Variants in CNTNAP3 observed in about 807,000 individuals in gnomAD.
CNTNAP3 encodes contactin-associated protein-like 3.
A neutral mutation model predicts 92.1 loss-of-function variants in CNTNAP3; 36 were observed. That is an observed-to-expected ratio of 0.39 (90% CI 0.30 to 0.52). The LOEUF is 0.52. Ranked by LOEUF, CNTNAP3 falls within the 20% of genes least tolerant of loss-of-function variation. CNTNAP3 has a pLI of 0.76. For missense variants in CNTNAP3, 534 were observed against 1,069.6 expected (o/e 0.50, Z 6.98); for synonymous variants, 232 against 422.3 (o/e 0.55, Z 5.53).
rs188427891 is a variant in CNTNAP3, at chr9:39,120,168, G to A, written c.2081-1909C>T. The stretch of plus-strand genomic sequence containing the variant: ...AAGATCCATCATAATTGAACTTTTT[G>A]GAAACAAAACAAAACAGAAATCTTG... On this transcript the variant is annotated intron_variant, in intron 13 of 23. Transcript: ENST00000297668. 1.5e-3 allele frequency among the ~76,000 whole-genome samples: 226 copies of A among 152,020 alleles called. 2 individuals carry two copies. Among genetic ancestry groups the A allele is most frequent in the South Asian group, 0.011 (54 of 4,792 alleles).
intron 11 of CNTNAP3, among the ~76,000 whole-genome samples, chr9:39,141,500 C>T (rs1433946579): frequency 6.6e-6 from 1 of 152,092 alleles, no homozygotes; most frequent in South Asian, 2.1e-4. Context: ...AAATTCAAAA[C>T]AGGAGAGAAA....
intron 14 of CNTNAP3, among the ~76,000 whole-genome samples, chr9:39,110,293 G>A (rs1419247606): frequency 6.6e-6 from 1 of 152,112 alleles, no homozygotes; most frequent in Non-Finnish European, 1.5e-5. Context: ...CTACATGGGA[G>A]GCTGAGGTGG....
chr9:39,119,570 G>C (rs1368734658), intron 13 of CNTNAP3, among the ~76,000 whole-genome samples: 2 of 152,110 alleles, frequency 1.3e-5, no homozygotes, highest in Non-Finnish European at 2.9e-5. Context: ...TAATGTACAA[G>C]TGTAAATTTA....
chr9:39,149,578 G>T (rs1185085777), intron 10 of CNTNAP3, among the ~76,000 whole-genome samples: 1 of 150,850 alleles, frequency 6.6e-6, no homozygotes, highest in Non-Finnish European at 1.5e-5. Context: ...GGATGAAGTT[G>T]ATCTCCTGAT....
intron 18 of CNTNAP3, among the ~76,000 whole-genome samples, chr9:39,098,548 T>A (rs1253381608): frequency 6.6e-6 from 1 of 152,152 alleles, no homozygotes; most frequent in Non-Finnish European, 1.5e-5. Context: ...AACATTCAAA[T>A]TGCACTTAGC....
chr9:39,126,895 A>AAAC (rs1821164330), intron 13 of CNTNAP3, among the ~76,000 whole-genome samples: 1 of 152,150 alleles, frequency 6.6e-6, no homozygotes, highest in African/African-American at 2.4e-5. Flanking sequence ...CAACATAATC[A>AAAC]AACAACAGGA....
intron 18 of CNTNAP3, among the ~76,000 whole-genome samples, chr9:39,095,274 A>G (rs1380478869): frequency 6.6e-6 from 1 of 151,658 alleles, no homozygotes; most frequent in Non-Finnish European, 1.5e-5. Flanking sequence ...AGGTAATCTG[A>G]GAGAGAGATA....
At chr9:39,170,480 T>C (rs1822237988) in intron 8 of CNTNAP3, among the ~76,000 whole-genome samples, 1 of 102,820 alleles carries the variant, frequency 9.7e-6, no homozygotes, top group African/African-American at 6.8e-5. Context: ...CAATGTCAAT[T>C]TAGGACCCAG....
chr9:39,075,912 G>T (rs1180599819), intron 23 of CNTNAP3, among the ~76,000 whole-genome samples: 1 of 152,310 alleles, frequency 6.6e-6, no homozygotes, highest in Non-Finnish European at 1.5e-5. Context: ...ATGATGAGGA[G>T]AAATTATATT....
intron 9 of CNTNAP3, chr9:39,154,313 T>C (rs75922711): frequency 0.17 from 74,560 of 448,560 alleles, 8,700 homozygotes; most frequent in East Asian, 0.2. Flanking sequence ...GGCTGAAGGA[T>C]CCTGCTCCCA....
At chr9:39,099,438 T>G (rs1826401724) in intron 18 of CNTNAP3, among the ~76,000 whole-genome samples, 1 of 152,160 alleles carries the variant, frequency 6.6e-6, no homozygotes. Flanking sequence ...GACATTTCTA[T>G]AAAGGCCTTT....
intron 19 of CNTNAP3, among the ~76,000 whole-genome samples, chr9:39,088,219 AAT>A (rs1330090898): frequency 4.6e-5 from 7 of 151,388 alleles, no homozygotes; most frequent in South Asian, 2.1e-4. Context: ...TCAAACATGT[AAT>A]GGGAGAAAAG....
intron 15 of CNTNAP3, among the ~76,000 whole-genome samples, chr9:39,105,794 T>C (rs1826589482): frequency 6.6e-6 from 1 of 151,642 alleles, no homozygotes; most frequent in African/African-American, 2.4e-5. Context: ...GGCTATTTAC[T>C]AGGGTGTCAT....
Position 39,109,101 on chromosome 9 carries a change from C to T in CNTNAP3, c.2365+59G>A, listed in dbSNP as rs115114971. ...TGGCAAGAACAAGGGCATTTGTCTA[C>T]TCTTTTATAACCAAAAAAAGTTATT... On this transcript the variant is annotated intron_variant, in intron 15 of 23. Coordinates refer to ENST00000297668, the MANE Select transcript of CNTNAP3 (RefSeq NM_033655.5). The T allele has an allele frequency of 3.1e-3, 4,885 of 1,566,116 alleles. 146 individuals are homozygous for T. In the African/African-American group the frequency reaches 0.058, roughly 19 times the overall value.
chr9:39,095,904 G>A (rs1488049800), intron 18 of CNTNAP3, among the ~76,000 whole-genome samples: 1 of 150,256 alleles, frequency 6.7e-6, no homozygotes, highest in Admixed American at 6.6e-5. Context: ...TATATAATTT[G>A]TTCTCTTTTT....
At chr9:39,118,502 ATCAG>A (rs1242706515) in intron 13 of CNTNAP3, among the ~76,000 whole-genome samples, 1 of 152,166 alleles carries the variant, frequency 6.6e-6, no homozygotes, top group Non-Finnish European at 1.5e-5. Context: ...TCTATTAGAA[ATCAG>A]TCAGTTGCAT....
chr9:39,069,371 G>A lies in CNTNAP3; in HGVS notation c.*4519C>T, dbSNP rs1825586856. Reference sequence around the variant, plus strand: ...TACAAAGTGCTCATGCAGTCACAGAGGTTCTATTTTAAGGGCTTTCTTAAA... The same window carrying A: ...TACAAAGTGCTCATGCAGTCACAGAAGTTCTATTTTAAGGGCTTTCTTAAA... On this transcript the variant is annotated 3_prime_UTR_variant, in exon 24 of 24. Coordinates refer to ENST00000297668, the MANE Select transcript of CNTNAP3 (RefSeq NM_033655.5). 1.3e-5 allele frequency among the ~76,000 whole-genome samples: 2 copies of A among 152,304 alleles called. No individual in the cohort carries two copies. The highest frequency in any genetic ancestry group is 2.4e-5 in the African/African-American group (1 of 41,488).
intron 9 of CNTNAP3, among the ~76,000 whole-genome samples, chr9:39,152,559 T>C (rs149384368): frequency 1.4e-5 from 2 of 145,066 alleles, no homozygotes; most frequent in African/African-American, 5.3e-5. Flanking sequence ...AAGAGGATTA[T>C]TAATTCAATA....
In CNTNAP3 at chr9:39,137,180, G is replaced by A. The variant is rs2721711; in HGVS notation, c.1876+3339C>T. Among the ~76,000 whole-genome samples the A allele has an allele frequency of 6.7e-4, 101 of 151,744 alleles. 1 individual carries two copies. The highest frequency in any genetic ancestry group is 2.3e-3 in the African/African-American group (96 of 41,258). On this transcript the variant is annotated intron_variant, in intron 12 of 23. Coordinates refer to ENST00000297668, the MANE Select transcript of CNTNAP3 (RefSeq NM_033655.5). ...ATTATGTTCTGGGTTTTCTTTTTGCGGGGGGTTGGGTTCAGTCTTTTTTTC... is the reference window on the plus strand; with the variant it reads ...ATTATGTTCTGGGTTTTCTTTTTGCAGGGGGTTGGGTTCAGTCTTTTTTTC...
Sources: gnomAD v4.1 joint callset for allele counts (sites outside exome capture counted in the v4.1 genomes callset) on GRCh38, gnomAD v4.1.1 for gene constraint, MANE v1.5 for transcripts, NCBI Gene and HGNC (gene_info 2026-07-23, HGNC 2026-07-21) for gene names.